Variants in PSMC2 observed in about 807,000 individuals in gnomAD.
The protein encoded by PSMC2 is proteasome 26S subunit, ATPase 2.
In PSMC2, 7 loss-of-function variants were observed where a neutral mutation model predicts 53.3. The ratio of observed to expected loss-of-function variants is 0.13; its 90% CI spans 0.07 to 0.25. The LOEUF is 0.25. PSMC2 is among the 10% of genes least tolerant of loss of function. The pLI is 1.00. For synonymous variants in PSMC2, 169 were observed against 183.9 expected (o/e 0.92, Z 0.66); for missense variants, 241 against 544.0 (o/e 0.44, Z 5.54).
At chr7:103,357,053 C>T (rs961772525) in intron 4 of PSMC2, among the ~76,000 whole-genome samples, 3 of 152,010 alleles carry the variant, frequency 2.0e-5, no homozygotes, top group African/African-American at 4.8e-5. Flanking sequence ...AGGCTGGGCA[C>T]GGCAGCTCAC....
intron 4 of PSMC2, among the ~76,000 whole-genome samples, chr7:103,360,603 G>A (rs572056600): frequency 2.6e-5 from 4 of 152,236 alleles, no homozygotes; most frequent in South Asian, 2.1e-4. Context: ...ACCTATGTGC[G>A]CACTCCACAG....
rs984148964 is a variant in PSMC2 at position 103,351,945 on chromosome 7, A to C, written c.71-1976A>C. Among the ~76,000 whole-genome samples, 3 of 151,054 alleles carry C rather than the reference A, an allele frequency of 2.0e-5. No homozygotes were observed. The East Asian group carries it at 5.8e-4, about 29-fold the overall frequency. Reference sequence around the variant, plus strand: ...TTCTCTTTTCATTGCTACCATTTTTATTTAGGTTCTTATGACTTCCGAGTG... The same window carrying C: ...TTCTCTTTTCATTGCTACCATTTTTCTTTAGGTTCTTATGACTTCCGAGTG... On this transcript the variant is annotated intron_variant, in intron 1 of 11. Transcript: ENST00000292644.
In PSMC2 at chr7:103,360,729, G is replaced by A. The variant is rs182472191; in HGVS notation, c.291-1228G>A. ...TAGATAGATACTATAGAAGGGGAAA[G>A]GCGGTTGACTATTTTATACTGTGAT... On this transcript the variant is annotated intron_variant, in intron 4 of 11. Coordinates refer to ENST00000292644, the MANE Select transcript of PSMC2 (RefSeq NM_002803.4). 4.6e-3 allele frequency among the ~76,000 whole-genome samples: 696 copies of A among 152,322 alleles called. 6 individuals carry two copies. The highest frequency in any genetic ancestry group is 0.016 in the African/African-American group (655 of 41,560).
chr7:103,366,260 C>T (rs1820713764), intron 9 of PSMC2, 97 bp downstream of exon 9: 2 of 1,068,682 alleles, frequency 1.9e-6, no homozygotes, highest in Non-Finnish European at 2.8e-6. Context: ...AGAATTTTAA[C>T]TCCAACTCTT....
intron 6 of PSMC2, 37 bp downstream of exon 6, chr7:103,362,795 T>A: frequency 8.1e-4 from 169 of 208,832 alleles, no homozygotes; most frequent in Middle Eastern, 2.0e-3. Context: ...AGGCTATGTC[T>A]TTTTTTTTTT....
At chr7:103,347,562 C>A, upstream of PSMC2, 1 of 811,152 alleles carries the variant, frequency 1.2e-6, no homozygotes, top group South Asian at 1.6e-5. Context: ...AGCGTTTCCC[C>A]AGGGCTCTGT....
chr7:103,347,524 G>A, upstream of PSMC2: 2 of 578,688 alleles, frequency 3.5e-6, no homozygotes, highest in South Asian at 2.1e-5. Context: ...CTTCTCACAG[G>A]TAATCAGTCC....
chr7:103,366,784 C>T (rs569826910), intron 9 of PSMC2, among the ~76,000 whole-genome samples: 208 of 152,176 alleles, frequency 1.4e-3, no homozygotes, highest in Non-Finnish European at 2.3e-3. Context: ...TGATGAAATA[C>T]AGTATTAGCC....
rs565783069 is a variant in PSMC2, at chr7:103,368,158, C to T, written c.*104C>T. The T allele has an allele frequency of 3.9e-4, 397 of 1,009,530 alleles. 2 individuals carry two copies. Among genetic ancestry groups the T allele is most frequent in the East Asian group, 8.9e-4 (34 of 38,260 alleles). 62.5% of individuals were successfully genotyped at this position (1,009,530 alleles called of 1,614,324 possible). A position where few individuals can be genotyped will look rare whatever the true frequency, so the allele number is the denominator to read the frequency against. On this transcript the variant is annotated 3_prime_UTR_variant, in exon 12 of 12. Coordinates refer to ENST00000292644, the MANE Select transcript of PSMC2 (RefSeq NM_002803.4). ...AAATAAATGGCTTCAAAATTGTATG[C>T]TTTTTTCCATATCTCTTCTTGTAAT... is the stretch of plus-strand genomic sequence containing the variant.
intron 3 of PSMC2, 52 bp from the exon 4 acceptor site, chr7:103,355,642 T>C (rs1586144946): frequency 1.5e-6 from 2 of 1,354,540 alleles, no homozygotes; most frequent in Non-Finnish European, 2.1e-6. Context: ...GAAAGCTTAT[T>C]ATAGGGTGAT....
intron 1 of PSMC2, among the ~76,000 whole-genome samples, chr7:103,349,591 G>A (rs1023612893): frequency 6.6e-6 from 1 of 151,954 alleles, no homozygotes; most frequent in African/African-American, 2.4e-5. Context: ...TGGGATTACA[G>A]GCACCCCCCC....
At chr7:103,365,805 G>A (rs575767249) in intron 8 of PSMC2, among the ~76,000 whole-genome samples, 1 of 152,154 alleles carries the variant, frequency 6.6e-6, no homozygotes, top group Admixed American at 6.5e-5. Context: ...ACACATGCCT[G>A]TAATCCCAGC....
chr7:103,365,697 A>G (rs1014611330), intron 8 of PSMC2, among the ~76,000 whole-genome samples: 13 of 152,140 alleles, frequency 8.5e-5, no homozygotes, highest in African/African-American at 2.7e-4. Flanking sequence ...TGGGAGGCTG[A>G]GACGGGTGGA....
In PSMC2 at chr7:103,359,138, C is replaced by CTTTTTTTTTTT. The variant is rs35936603; in HGVS notation, c.291-2797_291-2787dup. On this transcript the variant is annotated intron_variant, in intron 4 of 11. Coordinates refer to ENST00000292644, the MANE Select transcript of PSMC2 (RefSeq NM_002803.4). ...CAGGTGCATACCACCCCATGTCTGG[C>CTTTTTTTTTTT]TTTTTTTTTTTTTTTTTTTTTTTTT... 1.4e-3 allele frequency among the ~76,000 whole-genome samples: 44 copies of CTTTTTTTTTTT among 31,332 alleles called. 3 individuals are homozygous for CTTTTTTTTTTT. The highest frequency in any genetic ancestry group is 1.8e-3 in the Non-Finnish European group (32 of 17,498). 20.6% of individuals were successfully genotyped at this position (31,332 alleles called of 152,430 possible).
Position 103,363,422 on chromosome 7 carries a change from G to A in PSMC2, c.574G>A (p.Glu192Lys). 1 of 1,611,806 alleles carries A rather than the reference G, an allele frequency of 6.2e-7. No individual in the cohort carries two copies. The highest frequency in any genetic ancestry group is 8.5e-7 in the Non-Finnish European group (1 of 1,177,872). The change falls in exon 7 of 12, where the codon GAA becomes AAA. Residue 192 changes from glutamate (E) to lysine (K), a missense_variant. Coordinates refer to ENST00000292644, the MANE Select transcript of PSMC2 (RefSeq NM_002803.4). ...GATTGAGAAACTGCGAGAAGTAGTT[G>A]AAACCCCATTACTTCATGTAAGTAG... ...EQIEKLREVVETPLLHPERFV... is the reference protein window; with the variant it reads ...EQIEKLREVVKTPLLHPERFV...
intron 1 of PSMC2, among the ~76,000 whole-genome samples, chr7:103,349,577 T>C (rs544209679): frequency 6.6e-6 from 1 of 152,124 alleles, no homozygotes; most frequent in African/African-American, 2.4e-5. Flanking sequence ...ACCTCCCAAG[T>C]AGCTGGGATT....
Sources: allele counts gnomAD v4.1 joint callset (sites outside exome capture counted in the v4.1 genomes callset), GRCh38; gene constraint gnomAD v4.1.1; transcripts MANE v1.5; gene names NCBI Gene and HGNC (gene_info 2026-07-23, HGNC 2026-07-21).